The following EPB41L4B variants were observed in gnomAD, a reference collection of about 807,000 sequenced individuals.
The protein encoded by EPB41L4B is erythrocyte membrane protein band 4.1 like 4B.
A neutral mutation model predicts 112.5 loss-of-function variants in EPB41L4B; 30 were observed. The observed-to-expected ratio is 0.27, with a 90% confidence interval of 0.20 to 0.36. The LOEUF (loss-of-function observed/expected upper bound fraction) is 0.36, where lower values mean the gene tolerates loss of function less well. Among genes scored for constraint, EPB41L4B ranks in the 10% least tolerant of loss-of-function variants. EPB41L4B has a pLI of 1.00. For missense variants in EPB41L4B, 1,024 were observed against 1,133.3 expected, an observed-to-expected ratio of 0.90 and a Z score of 1.38; for synonymous variants, 408 against 439.7, an observed-to-expected ratio of 0.93 and a Z score of 0.90.
At chr9:109,211,967 G>A (rs946523929) in intron 17 of EPB41L4B, among the ~76,000 whole-genome samples, 5 of 151,538 alleles carry the variant, frequency 3.3e-5, no homozygotes, top group Admixed American at 6.6e-5. Flanking sequence ...AGATCCACCC[G>A]CCTTAGCCTC....
intron 1 of EPB41L4B, among the ~76,000 whole-genome samples, chr9:109,293,186 T>C (rs1836596457): frequency 6.6e-6 from 1 of 152,166 alleles, no homozygotes; most frequent in South Asian, 2.1e-4. Context: ...AACAAAAGAT[T>C]ACCAGAATGA....
At chr9:109,181,621 G>C (rs559242101) in intron 24 of EPB41L4B, among the ~76,000 whole-genome samples, 19 of 152,120 alleles carry the variant, frequency 1.2e-4, no homozygotes, top group Admixed American at 7.2e-4. Context: ...AGGATCACTT[G>C]AGCCCAGGAG....
intron 15 of EPB41L4B, among the ~76,000 whole-genome samples, chr9:109,235,194 T>C (rs1185577811): frequency 1.3e-5 from 2 of 152,182 alleles, no homozygotes; most frequent in Non-Finnish European, 2.9e-5. Context: ...TTTCTATTTC[T>C]TTTTTCTTTC....
At chr9:109,284,248 G>A (rs886289789) in intron 1 of EPB41L4B, among the ~76,000 whole-genome samples, 11 of 152,192 alleles carry the variant, frequency 7.2e-5, no homozygotes, top group Non-Finnish European at 1.2e-4. Flanking sequence ...TGTACTGAAA[G>A]TGAACAACAG....
chr9:109,203,979 A>G (rs1272918435), intron 18 of EPB41L4B, among the ~76,000 whole-genome samples: 1 of 152,232 alleles, frequency 6.6e-6, no homozygotes, highest in Non-Finnish European at 1.5e-5. Context: ...CTTTTATTGA[A>G]CACCTGCTAC....
At chr9:109,174,842 A>G (rs932072569) in intron 25 of EPB41L4B, among the ~76,000 whole-genome samples, 17 of 150,202 alleles carry the variant, frequency 1.1e-4, no homozygotes, top group African/African-American at 3.9e-4. Context: ...CTGGCTGACT[A>G]TATGTCATTC....
chr9:109,282,865 T>C (rs1836121630), intron 1 of EPB41L4B, among the ~76,000 whole-genome samples: 1 of 151,474 alleles, frequency 6.6e-6, no homozygotes, highest in Non-Finnish European at 1.5e-5. Flanking sequence ...TTATTTTTAG[T>C]AGAGACAGGG....
At chr9:109,286,675 G>T (rs188553782) in intron 1 of EPB41L4B, among the ~76,000 whole-genome samples, 59 of 152,174 alleles carry the variant, frequency 3.9e-4, no homozygotes, top group Non-Finnish European at 7.8e-4. Context: ...CACAACTCAC[G>T]TTACTCCCTC....
Position 109,174,601 on chromosome 9 carries a change from G to T in EPB41L4B, c.2656C>A (p.Leu886Met). ...CTTTTCATCATCTTCTCTCTCTCCA[G>T]TTCCTGCCGGAGTGTCTCTGCACTA... ...AASAETLRQE[L>M]EREKMMKRLL... The change falls in exon 26 of 26, where the codon CTG (leucine) becomes ATG (methionine). Residue 886 changes from leucine to methionine, a missense_variant. Transcript: ENST00000374566. 2 of 1,614,046 alleles carry T rather than the reference G, an allele frequency of 1.2e-6. No homozygotes were observed. Among genetic ancestry groups the T allele is most frequent in the Non-Finnish European group, 1.7e-6 (2 of 1,179,980 alleles).
intron 17 of EPB41L4B, among the ~76,000 whole-genome samples, chr9:109,208,299 CT>C (rs1446528544): frequency 6.6e-6 from 1 of 152,180 alleles, no homozygotes; most frequent in Non-Finnish European, 1.5e-5. Flanking sequence ...GAAGAAAAGG[CT>C]TTTCCAGCAT....
At chr9:109,276,579 G>A (rs1835838635) in intron 2 of EPB41L4B, among the ~76,000 whole-genome samples, 1 of 152,330 alleles carries the variant, frequency 6.6e-6, no homozygotes, top group African/African-American at 2.4e-5. Context: ...AATTTGTAGA[G>A]TTGGATGCTG....
Position 109,242,295 on chromosome 9 carries a change from T to G in EPB41L4B, c.1409+1323A>C, listed in dbSNP as rs1834380557. ...GTAGGTCTGGGGTGGGGCTGAGAAT[T>G]TGCATTAAACAAGCTTCCAGATGAC... is the stretch of plus-strand genomic sequence containing the variant. On this transcript the variant is annotated intron_variant, in intron 15 of 25. Transcript: ENST00000374566. Among the ~76,000 whole-genome samples the G allele has an allele frequency of 2.0e-5, 3 of 152,134 alleles. No individual in the cohort carries two copies. In the South Asian group the frequency reaches 6.2e-4, roughly 32 times the overall value.
chr9:109,262,995 T>C (rs373991775), intron 6 of EPB41L4B, 55 bp downstream of exon 6: 91 of 1,262,372 alleles, frequency 7.2e-5, no homozygotes, highest in Non-Finnish European at 8.0e-5. Context: ...CACTCATTTG[T>C]TGAAATAAAA....
chr9:109,266,204 T>A lies in EPB41L4B; in HGVS notation c.534-1180A>T, dbSNP rs78995324. On this transcript the variant is annotated intron_variant, in intron 4 of 25. Transcript: ENST00000374566. ...CTGGGTAACAGGGCAAAACGCTGTC[T>A]CTATTTTAAAAAATACAAAAAATTA... 6.2e-3 allele frequency among the ~76,000 whole-genome samples: 944 copies of A among 152,262 alleles called. 22 individuals are homozygous for A. The East Asian group carries it at 0.097, about 16-fold the overall frequency.
At chr9:109,240,996 C>T (rs1834335501) in intron 15 of EPB41L4B, 1 of 985,150 alleles carries the variant, frequency 1.0e-6, no homozygotes, top group Admixed American at 6.2e-5. Context: ...TTCAAAGTCC[C>T]CCTGTATCTA....
rs12351634 is a variant in EPB41L4B at position 109,262,924 on chromosome 9, G to C, written c.631+126C>G. On this transcript the variant is annotated intron_variant, in intron 6 of 25. Transcript: ENST00000374566. ...CTGGACTGCACGCCACTTGGGGACA[G>C]AGACCGTGTCATATTCATTTATATC... is the stretch of plus-strand genomic sequence containing the variant. 16,817 of 661,530 alleles carry C rather than the reference G, an allele frequency of 0.025. 1,595 individuals are homozygous for C. The highest frequency in any genetic ancestry group is 0.23 in the African/African-American group (12,609 of 53,836). 41.0% of individuals were successfully genotyped at this position (661,530 alleles called of 1,614,324 possible).
At chr9:109,260,662 G>A (rs961670530) in intron 6 of EPB41L4B, among the ~76,000 whole-genome samples, 15 of 152,070 alleles carry the variant, frequency 9.9e-5, no homozygotes, top group Non-Finnish European at 1.6e-4. Context: ...TAATCCACCC[G>A]CCTCGGCCTC....
At chr9:109,319,548 G>C (rs10979824) in intron 1 of EPB41L4B, among the ~76,000 whole-genome samples, 1,841 of 152,348 alleles carry the variant, frequency 0.012, 18 homozygotes, top group Non-Finnish European at 0.017. Context: ...GGGGCTCAGG[G>C]AATGGGAATG....
At chr9:109,282,634 TCC>T (rs909017583) in intron 1 of EPB41L4B, among the ~76,000 whole-genome samples, 1 of 152,062 alleles carries the variant, frequency 6.6e-6, no homozygotes, top group African/African-American at 2.4e-5. Flanking sequence ...GTAACCTTGC[TCC>T]CCAACCTCTC....
Sources: gnomAD v4.1 joint callset for allele counts (sites outside exome capture counted in the v4.1 genomes callset) on GRCh38, gnomAD v4.1.1 for gene constraint, MANE v1.5 for transcripts, NCBI Gene and HGNC (gene_info 2026-07-23, HGNC 2026-07-21) for gene names.